The following SPPL3 variants were observed in gnomAD, a reference collection of about 807,000 sequenced individuals.
SPPL3 encodes signal peptide peptidase-like 3.
In SPPL3, 5 loss-of-function variants were observed where a neutral mutation model predicts 42.4. The ratio of observed to expected loss-of-function variants is 0.12; its 90% CI spans 0.06 to 0.25. The LOEUF is 0.25. Among genes scored for constraint, SPPL3 ranks in the 10% least tolerant of loss-of-function variants. The probability of loss-of-function intolerance (pLI) is 1.00; values close to 1 mark genes in which losing one functional copy is unlikely to be tolerated. For synonymous variants in SPPL3, 195 were observed against 181.8 expected, an observed-to-expected ratio of 1.07 and a Z score of -0.58; for missense variants, 235 against 489.0, an observed-to-expected ratio of 0.48 and a Z score of 4.90.
At chr12:120,861,045 C>T (rs191279580) in intron 1 of SPPL3, among the ~76,000 whole-genome samples, 58 of 152,290 alleles carry the variant, frequency 3.8e-4, no homozygotes, top group Middle Eastern at 6.8e-3. Context: ...ACTTACAATA[C>T]ATAGTACAAT....
chr12:120,801,904 T>G (rs762560598), intron 2 of SPPL3, among the ~76,000 whole-genome samples: 1 of 152,160 alleles, frequency 6.6e-6, no homozygotes, highest in Admixed American at 6.5e-5. Flanking sequence ...TAAATTCCAG[T>G]TTGGTGTTTT....
chr12:120,835,245 C>T (rs1251069254), intron 1 of SPPL3, among the ~76,000 whole-genome samples: 1 of 152,166 alleles, frequency 6.6e-6, no homozygotes, highest in East Asian at 1.9e-4. Context: ...AAGCTCTTAG[C>T]CAAATAACAT....
chr12:120,826,113 G>A (rs934855887), intron 1 of SPPL3, among the ~76,000 whole-genome samples: 4 of 151,696 alleles, frequency 2.6e-5, no homozygotes, highest in African/African-American at 4.8e-5. Context: ...GACCAACATG[G>A]AGAAACCCTG....
intron 6 of SPPL3, among the ~76,000 whole-genome samples, chr12:120,777,587 CCA>C (rs1187718203): frequency 2.4e-4 from 2 of 8,422 alleles, no homozygotes; most frequent in African/African-American, 3.4e-3. Context: ...CACCCTTTTA[CCA>C]TACCACCCTT....
intron 3 of SPPL3, among the ~76,000 whole-genome samples, chr12:120,786,672 G>C (rs933184459): frequency 5.3e-5 from 8 of 151,848 alleles, no homozygotes; most frequent in Admixed American, 2.0e-4. Flanking sequence ...TTAAACCACA[G>C]ATTTTTGAAC....
At chr12:120,853,976 G>GCACACGTA (rs1872352523) in intron 1 of SPPL3, among the ~76,000 whole-genome samples, 4 of 64,146 alleles carry the variant, frequency 6.2e-5, no homozygotes, top group African/African-American at 2.8e-4. Flanking sequence ...CCACACACAC[G>GCACACGTA]CACACATACA....
chr12:120,845,431 G>A (rs545992653), intron 1 of SPPL3: 35 of 403,474 alleles, frequency 8.7e-5, no homozygotes, highest in Non-Finnish European at 1.4e-4. Context: ...CACAGAGGCC[G>A]GATCTTGTCC....
intron 1 of SPPL3, among the ~76,000 whole-genome samples, chr12:120,889,889 G>A (rs1480539082): frequency 6.6e-6 from 1 of 152,038 alleles, no homozygotes; most frequent in Non-Finnish European, 1.5e-5. Context: ...GTCCCTTTAG[G>A]CTCTTAACTG....
chr12:120,778,332 G>T (rs2136974378), intron 6 of SPPL3, among the ~76,000 whole-genome samples: 1 of 152,046 alleles, frequency 6.6e-6, no homozygotes, highest in South Asian at 2.1e-4. Context: ...GGCCAGGCTG[G>T]TCTCGAACTC....
intron 1 of SPPL3, among the ~76,000 whole-genome samples, chr12:120,849,997 C>G (rs1398279894): frequency 6.6e-6 from 1 of 152,164 alleles, no homozygotes; most frequent in Non-Finnish European, 1.5e-5. Context: ...AGAAGTTTTC[C>G]TCAGCTGAGT....
intron 1 of SPPL3, among the ~76,000 whole-genome samples, chr12:120,876,089 G>A (rs1040095080): frequency 6.8e-6 from 1 of 147,284 alleles, no homozygotes; most frequent in Non-Finnish European, 1.5e-5. Flanking sequence ...ATTTCACCCA[G>A]TAACAGCAGA....
chr12:120,773,357 T>C (rs1047219105), intron 6 of SPPL3, among the ~76,000 whole-genome samples: 4 of 152,184 alleles, frequency 2.6e-5, no homozygotes, highest in Non-Finnish European at 4.4e-5. Flanking sequence ...GGTTTGTGTA[T>C]AGATACTGGC....
At chr12:120,775,023 C>T (rs576791741) in intron 6 of SPPL3, among the ~76,000 whole-genome samples, 5 of 152,300 alleles carry the variant, frequency 3.3e-5, no homozygotes, top group African/African-American at 7.2e-5. Context: ...GACACCAAAC[C>T]GAGCTCAAAT....
chr12:120,826,957 A>C (rs1320667393), intron 1 of SPPL3, among the ~76,000 whole-genome samples: 1 of 152,156 alleles, frequency 6.6e-6, no homozygotes, highest in East Asian at 1.9e-4. Flanking sequence ...AAAGTCATAT[A>C]CTGGAAGAGG....
chr12:120,795,404 G>A (rs1368127113), intron 2 of SPPL3, among the ~76,000 whole-genome samples: 1 of 152,198 alleles, frequency 6.6e-6, no homozygotes, highest in African/African-American at 2.4e-5. Flanking sequence ...TTTAGTGTAA[G>A]ACAGCTGGTG....
chr12:120,861,436 G>C (rs1393976726), intron 1 of SPPL3, among the ~76,000 whole-genome samples: 1 of 152,156 alleles, frequency 6.6e-6, no homozygotes, highest in African/African-American at 2.4e-5. Context: ...ATAAATAACA[G>C]GAAGGGAAAA....
intron 1 of SPPL3, among the ~76,000 whole-genome samples, chr12:120,900,220 C>T (rs148804668): frequency 6.6e-6 from 1 of 152,092 alleles, no homozygotes; most frequent in Non-Finnish European, 1.5e-5. Flanking sequence ...TATTCTTCAC[C>T]GAGTCCATCC....
chr12:120,823,817 A>C (rs763564169), intron 1 of SPPL3, among the ~76,000 whole-genome samples: 1 of 152,164 alleles, frequency 6.6e-6, no homozygotes. Context: ...GGGGTGAATT[A>C]ACCTATTTGT....
At chr12:120,835,303 A>C (rs770050053) in intron 1 of SPPL3, 1 of 152,228 alleles carries the variant, frequency 6.6e-6, no homozygotes, top group Non-Finnish European at 1.5e-5. Flanking sequence ...TTGAAACCAC[A>C]CCTACCCTTA....
Sources: gnomAD v4.1 joint callset for allele counts (sites outside exome capture counted in the v4.1 genomes callset) on GRCh38, gnomAD v4.1.1 for gene constraint, MANE v1.5 for transcripts, NCBI Gene and HGNC (gene_info 2026-07-23, HGNC 2026-07-21) for gene names.